The following PEX13 variants were observed in gnomAD, a reference collection of about 807,000 sequenced individuals.
PEX13 encodes peroxisomal biogenesis factor 13.
A neutral mutation model predicts 34.5 loss-of-function variants in PEX13; 28 were observed. The observed-to-expected ratio is 0.81, with a 90% CI of 0.60 to 1.11. The LOEUF is 1.11. Among genes scored for constraint, PEX13 ranks in the 50% most tolerant of loss-of-function variants. The probability of loss-of-function intolerance (pLI) is 0.00; values close to 1 mark genes in which losing one functional copy is unlikely to be tolerated. For synonymous variants in PEX13, 177 were observed against 175.1 expected, an observed-to-expected ratio of 1.01 and a Z score of -0.09; for missense variants, 550 against 491.0, an observed-to-expected ratio of 1.12 and a Z score of -1.13.
chr2:61,044,231 A>G, intron 2 of PEX13, among the ~76,000 whole-genome samples: 1 of 152,126 alleles, frequency 6.6e-6, no homozygotes, highest in Non-Finnish European at 1.5e-5. Flanking sequence ...GATTACAGGC[A>G]TGAACCACCA....
Position 61,048,861 on chromosome 2 carries a change from A to G in PEX13, c.*91A>G, listed in dbSNP as rs1680752803. The G allele has an allele frequency of 9.1e-7, 1 of 1,093,832 alleles. No individual in the cohort carries two copies. The highest frequency in any genetic ancestry group is 1.3e-5 in the South Asian group (1 of 74,594). The allele number at this position is 1,093,832 out of a possible 1,614,324, so 67.8% of individuals were successfully genotyped here. A position where few individuals can be genotyped will look rare whatever the true frequency, so the allele number is the denominator to read the frequency against. ...AGAAATGAATGTACAATCCAATGAA[A>G]ACATTTGTTATTGGCTATTTCAGGT... On this transcript the variant is annotated 3_prime_UTR_variant, in exon 4 of 4. Coordinates refer to ENST00000295030, the MANE Select transcript of PEX13 (RefSeq NM_002618.4).
At chr2:61,040,355 G>T (rs1019115146) in intron 2 of PEX13, among the ~76,000 whole-genome samples, 6 of 152,118 alleles carry the variant, frequency 3.9e-5, no homozygotes, top group Non-Finnish European at 8.8e-5. Context: ...ATCAATGATA[G>T]ACTGGATTAA....
chr2:61,024,508 G>C (rs1680316789), intron 1 of PEX13, among the ~76,000 whole-genome samples: 1 of 151,960 alleles, frequency 6.6e-6, no homozygotes, highest in Admixed American at 6.6e-5. Flanking sequence ...TGTCTAATCT[G>C]GTATTAAACC....
intron 2 of PEX13, among the ~76,000 whole-genome samples, chr2:61,040,833 A>G (rs182114551): frequency 7.0e-4 from 103 of 148,044 alleles, no homozygotes; most frequent in African/African-American, 2.5e-3. Context: ...ATATATGTGT[A>G]TATATATAAA....
chr2:61,046,139 A>T (rs765078667), intron 3 of PEX13, among the ~76,000 whole-genome samples: 2 of 152,174 alleles, frequency 1.3e-5, no homozygotes, highest in Non-Finnish European at 2.9e-5. Context: ...CCACACAAAA[A>T]CGTGATGTCA....
chr2:61,032,887 T>C (rs1466042491), intron 2 of PEX13, among the ~76,000 whole-genome samples: 1 of 152,174 alleles, frequency 6.6e-6, no homozygotes. Context: ...GCAGAAAATA[T>C]GAGATTTATT....
At chr2:61,020,016 G>A (rs1680224237) in intron 1 of PEX13, among the ~76,000 whole-genome samples, 1 of 152,158 alleles carries the variant, frequency 6.6e-6, no homozygotes, top group Admixed American at 6.5e-5. Context: ...GAGGTCAGGA[G>A]ATCGAGACCA....
intron 3 of PEX13, among the ~76,000 whole-genome samples, chr2:61,047,074 G>T (rs1680714360): frequency 6.6e-6 from 1 of 151,710 alleles, no homozygotes; most frequent in Admixed American, 6.6e-5. Context: ...CTGCACTCCA[G>T]CCTGGGCAAC....
At chr2:61,032,523 G>A (rs1021316667) in intron 2 of PEX13, among the ~76,000 whole-genome samples, 2 of 152,176 alleles carry the variant, frequency 1.3e-5, no homozygotes, top group Non-Finnish European at 2.9e-5. Flanking sequence ...ACTGTGCTAG[G>A]TATTTTGTGT....
intron 1 of PEX13, among the ~76,000 whole-genome samples, chr2:61,021,948 A>G (rs1363442906): frequency 6.6e-6 from 1 of 152,238 alleles, no homozygotes; most frequent in Admixed American, 6.5e-5. Context: ...GACCATTAGA[A>G]GGAAAACTAG....
At chr2:61,038,791 A>G (rs992701054) in intron 2 of PEX13, among the ~76,000 whole-genome samples, 1 of 152,192 alleles carries the variant, frequency 6.6e-6, no homozygotes, top group Non-Finnish European at 1.5e-5. Flanking sequence ...AAGGGTATTC[A>G]ATTAGGAAAA....
intron 3 of PEX13, among the ~76,000 whole-genome samples, chr2:61,048,093 T>C (rs1369931906): frequency 6.6e-6 from 1 of 152,234 alleles, no homozygotes; most frequent in Non-Finnish European, 1.5e-5. Context: ...TTTTCTATAC[T>C]TATTCCTAAC....
intron 1 of PEX13, among the ~76,000 whole-genome samples, chr2:61,029,139 CAAAA>C (rs539310122): frequency 3.1e-5 from 4 of 130,428 alleles, no homozygotes; most frequent in Non-Finnish European, 4.8e-5. Context: ...ACCCTGTCTC[CAAAA>C]AAAAAAAAAA....
chr2:61,031,299 A>G, intron 1 of PEX13, 120 bp from the exon 2 acceptor site: 1 of 779,916 alleles, frequency 1.3e-6, no homozygotes, highest in South Asian at 1.5e-5. Context: ...CTCTAAATCA[A>G]TTAATCAGTC....
chr2:61,046,393 A>G (rs2104813150), intron 3 of PEX13, among the ~76,000 whole-genome samples: 2 of 152,344 alleles, frequency 1.3e-5, no homozygotes, highest in South Asian at 4.1e-4. Flanking sequence ...GACTCTAGGC[A>G]AAATGACCTT....
rs969442986 is a variant in PEX13, at chr2:61,048,908, A to G, written c.*138A>G. 5 of 730,788 alleles carry G rather than the reference A, an allele frequency of 6.8e-6. 1 individual carries two copies. In the African/African-American group the frequency reaches 7.1e-5, roughly 10 times the overall value. 45.3% of individuals were successfully genotyped at this position (730,788 alleles called of 1,614,324 possible). A position where few individuals can be genotyped will look rare whatever the true frequency, so the allele number is the denominator to read the frequency against. ...AGGTGTTTTGCTGCTAGAAATTATT[A>G]AAGTTACACACTAGTATGTTGGTCT... On this transcript the variant is annotated 3_prime_UTR_variant, in exon 4 of 4. Coordinates refer to ENST00000295030, the MANE Select transcript of PEX13 (RefSeq NM_002618.4).
At chr2:61,035,899 C>A (rs563641825) in intron 2 of PEX13, among the ~76,000 whole-genome samples, 2 of 151,700 alleles carry the variant, frequency 1.3e-5, no homozygotes, top group African/African-American at 4.8e-5. Flanking sequence ...AGGAGAATTG[C>A]TTGAACCCAG....
chr2:61,045,990 T>C, intron 3 of PEX13, 139 bp downstream of exon 3: 1 of 751,420 alleles, frequency 1.3e-6, no homozygotes, highest in Non-Finnish European at 2.3e-6. Context: ...CATGTCAATT[T>C]AGAGCTTCCA....
At chr2:61,027,462 C>T (rs1680378681) in intron 1 of PEX13, among the ~76,000 whole-genome samples, 2 of 152,186 alleles carry the variant, frequency 1.3e-5, no homozygotes, top group South Asian at 4.1e-4. Flanking sequence ...AGTCCTCTCC[C>T]TCTCTTAGTT....
Sources: gnomAD v4.1 joint callset for allele counts (sites outside exome capture counted in the v4.1 genomes callset) on GRCh38, gnomAD v4.1.1 for gene constraint, MANE v1.5 for transcripts, NCBI Gene and HGNC (gene_info 2026-07-23, HGNC 2026-07-21) for gene names.